The following MAP2 variants were observed in gnomAD, a reference collection of about 807,000 sequenced individuals.
MAP2 encodes microtubule-associated protein 2.
In MAP2, 14 loss-of-function variants were observed where a neutral mutation model predicts 137.6. The ratio of observed to expected loss-of-function variants is 0.10; its 90% CI spans 0.07 to 0.16. MAP2 has a LOEUF of 0.16. Among genes scored for constraint, MAP2 ranks in the 10% least tolerant of loss-of-function variants. The pLI is 1.00. For synonymous variants in MAP2, 786 were observed against 782.3 expected (o/e 1.00, Z -0.08); for missense variants, 2,088 against 2,191.5 (o/e 0.95, Z 0.94).
At chr2:209,595,003 G>T (rs1389423120) in intron 3 of MAP2, among the ~76,000 whole-genome samples, 1 of 152,090 alleles carries the variant, frequency 6.6e-6, no homozygotes, top group African/African-American at 2.4e-5. Context: ...GAATTACAAG[G>T]TGATCCCAAG....
intron 4 of MAP2, among the ~76,000 whole-genome samples, chr2:209,646,867 A>G (rs1016004520): frequency 3.3e-5 from 5 of 152,142 alleles, no homozygotes; most frequent in African/African-American, 1.2e-4. Flanking sequence ...TAGAATTAAT[A>G]AATTCTAAAT....
chr2:209,535,083 C>G (rs1045566497), intron 2 of MAP2, among the ~76,000 whole-genome samples: 6 of 152,106 alleles, frequency 3.9e-5, no homozygotes, highest in Non-Finnish European at 8.8e-5. Context: ...CATGTCCTCC[C>G]TTCTCCTCTC....
intron 4 of MAP2, among the ~76,000 whole-genome samples, chr2:209,632,517 T>G (rs2093178994): frequency 6.6e-6 from 1 of 152,130 alleles, no homozygotes; most frequent in Non-Finnish European, 1.5e-5. Context: ...CAGTGACTAT[T>G]AAGAGACAGG....
chr2:209,456,361 A>C (rs760929813), intron 1 of MAP2, among the ~76,000 whole-genome samples: 1 of 152,202 alleles, frequency 6.6e-6, no homozygotes, highest in Non-Finnish European at 1.5e-5. Flanking sequence ...ACTGAGGCCC[A>C]GTGAATGAAG....
chr2:209,487,582 T>C (rs2149920823), intron 1 of MAP2, among the ~76,000 whole-genome samples: 1 of 152,330 alleles, frequency 6.6e-6, no homozygotes, highest in East Asian at 1.9e-4. Flanking sequence ...GAGAAGATGT[T>C]CCATGAAAGA....
chr2:209,662,185 T>C (rs574134698), intron 5 of MAP2, among the ~76,000 whole-genome samples: 4 of 152,302 alleles, frequency 2.6e-5, no homozygotes, highest in Non-Finnish European at 4.4e-5. Flanking sequence ...AGAGCAAGGC[T>C]CTATCTAACA....
chr2:209,699,705 CAT>C (rs1002581498), intron 10 of MAP2, among the ~76,000 whole-genome samples: 7 of 152,134 alleles, frequency 4.6e-5, no homozygotes, highest in Admixed American at 6.5e-5. Flanking sequence ...CTTCCCTTCT[CAT>C]GTGGCATTTT....
At chr2:209,535,777 A>G (rs981486322) in intron 2 of MAP2, among the ~76,000 whole-genome samples, 17 of 152,228 alleles carry the variant, frequency 1.1e-4, no homozygotes, top group Non-Finnish European at 8.8e-5. Flanking sequence ...ACCAAATTAA[A>G]TATAATCATT....
chr2:209,543,072 T>C (rs1577668725), intron 2 of MAP2, among the ~76,000 whole-genome samples: 1 of 152,222 alleles, frequency 6.6e-6, no homozygotes. Flanking sequence ...TTATTTAAAG[T>C]GAGAGATATG....
At chr2:209,454,535 C>G (rs541554662) in intron 1 of MAP2, among the ~76,000 whole-genome samples, 1 of 152,154 alleles carries the variant, frequency 6.6e-6, no homozygotes, top group African/African-American at 2.4e-5. Context: ...TAGGGTTTCA[C>G]CATGTTGGCC....
intron 4 of MAP2, among the ~76,000 whole-genome samples, chr2:209,632,554 A>G (rs1226602923): frequency 6.6e-6 from 1 of 152,152 alleles, no homozygotes; most frequent in Non-Finnish European, 1.5e-5. Flanking sequence ...CAAAGTCTCT[A>G]TCTTCAACTC....
intron 1 of MAP2, among the ~76,000 whole-genome samples, chr2:209,475,821 T>G (rs1252710294): frequency 1.3e-5 from 2 of 152,162 alleles, no homozygotes; most frequent in African/African-American, 2.4e-5. Flanking sequence ...ACAAGAAATA[T>G]GAACACGGTG....
chr2:209,645,235 G>C (rs2153587630), intron 4 of MAP2, among the ~76,000 whole-genome samples: 1 of 152,318 alleles, frequency 6.6e-6, no homozygotes, highest in South Asian at 2.1e-4. Flanking sequence ...AGGTCCAGGT[G>C]AAAATGCTTC....
chr2:209,678,818 T>G (rs1408807602), intron 6 of MAP2, 133 bp downstream of exon 6: 2 of 475,206 alleles, frequency 4.2e-6, no homozygotes, highest in South Asian at 3.4e-5. Flanking sequence ...ACACCTTGAC[T>G]GGGTATGCAC....
At chr2:209,706,978 T>A (rs1388819894) in intron 12 of MAP2, among the ~76,000 whole-genome samples, 1 of 152,114 alleles carries the variant, frequency 6.6e-6, no homozygotes, top group African/African-American at 2.4e-5. Context: ...ATTATTTGAA[T>A]GAATTAGCAG....
chr2:209,674,893 T>G (rs947521654), intron 5 of MAP2, among the ~76,000 whole-genome samples: 2 of 151,756 alleles, frequency 1.3e-5, no homozygotes, highest in African/African-American at 4.8e-5. Flanking sequence ...ACCCAGTAGA[T>G]CTGCTGATGA....
chr2:209,660,761 T>C (rs1582648938), intron 5 of MAP2, among the ~76,000 whole-genome samples: 1 of 140,000 alleles, frequency 7.1e-6, no homozygotes, highest in South Asian at 2.3e-4. Context: ...TGAGACCGAG[T>C]CTCGCTCTGT....
At chr2:209,599,205 T>C (rs1041875724) in intron 3 of MAP2, among the ~76,000 whole-genome samples, 35 of 152,178 alleles carry the variant, frequency 2.3e-4, no homozygotes, top group African/African-American at 8.2e-4. Flanking sequence ...CCAGTGATGG[T>C]GAGCATTTTT....
At chr2:209,498,046 C>G (rs949500410) in intron 1 of MAP2, among the ~76,000 whole-genome samples, 1 of 152,100 alleles carries the variant, frequency 6.6e-6, no homozygotes, top group East Asian at 1.9e-4. Flanking sequence ...TCATTTGAAA[C>G]AAGGCAAATC....
Sources: gnomAD v4.1 joint callset for allele counts (sites outside exome capture counted in the v4.1 genomes callset) on GRCh38, gnomAD v4.1.1 for gene constraint, MANE v1.5 for transcripts, NCBI Gene and HGNC (gene_info 2026-07-23, HGNC 2026-07-21) for gene names.